Variants in KLF16 observed in about 807,000 individuals in gnomAD.
The protein encoded by KLF16 is Krueppel-like factor 16.
KLF16 carries 6 observed loss-of-function variants against 6.1 expected under a neutral mutation model. That is an observed-to-expected ratio of 0.98 (90% CI 0.54 to 1.93). The LOEUF (loss-of-function observed/expected upper bound fraction) is 1.93. Among genes scored for constraint, KLF16 ranks in the 30% most tolerant of loss-of-function variants. The probability of loss-of-function intolerance (pLI) is 0.01; values close to 1 mark genes in which losing one functional copy is unlikely to be tolerated. For synonymous variants in KLF16, 211 were observed against 176.5 expected (o/e 1.20, Z -1.55); for missense variants, 355 against 363.8 (o/e 0.98, Z 0.20).
Position 1,857,182 on chromosome 19 carries a change from G to A in KLF16, c.458-2422C>T, listed in dbSNP as rs1301496912. 2.0e-5 allele frequency among the ~76,000 whole-genome samples: 3 copies of A among 152,200 alleles called. No individual in the cohort carries two copies. The highest frequency in any genetic ancestry group is 2.9e-5 in the Non-Finnish European group (2 of 68,022). On this transcript the variant is annotated intron_variant, in intron 1 of 1. Coordinates refer to ENST00000250916, the MANE Select transcript of KLF16 (RefSeq NM_031918.4). The surrounding 1 kb of genome is among the most constrained non-coding windows in gnomAD (Gnocchi z 4.7). ...GCGCGCACATGCGCACGTGGGTGGC[G>A]GGGCAGGGGGTGCACGGGCTACCCA...
chr19:1,855,095 G>A (rs1479108543), intron 1 of KLF16, among the ~76,000 whole-genome samples: 2 of 152,144 alleles, frequency 1.3e-5, no homozygotes, highest in South Asian at 2.1e-4. Context: ...GGCCCCAGGC[G>A]GGACCCTGGC....
chr19:1,874,292 A>G, the KLF16 span, among the ~76,000 whole-genome samples: 4 of 152,222 alleles, frequency 2.6e-5, no homozygotes, highest in African/African-American at 9.6e-5. Flanking sequence ...CAGGAAGACA[A>G]TGGGGTTCTG....
the KLF16 span, among the ~76,000 whole-genome samples, chr19:1,871,101 G>A: frequency 6.6e-6 from 1 of 152,222 alleles, no homozygotes; most frequent in African/African-American, 2.4e-5. Context: ...TCAGCGGCGG[G>A]GTCACAGAGA....
Position 1,861,402 on chromosome 19 carries a change from C to G in KLF16, c.457+1639G>C, listed in dbSNP as rs952898110. 4 of 152,294 alleles carry G rather than the reference C, an allele frequency of 2.6e-5. 1 individual carries two copies. The highest frequency in any genetic ancestry group is 2.6e-4 in the Admixed American group (4 of 15,280). The allele number at this position is 152,294 out of a possible 1,614,324, so 9.4% of individuals were successfully genotyped here. ...CTTACCCCCAAAAAGCCAGGGCACTCCTGGACCCCTGCCCACCGCCCGGAG... is the reference window on the plus strand; with the variant it reads ...CTTACCCCCAAAAAGCCAGGGCACTGCTGGACCCCTGCCCACCGCCCGGAG... On this transcript the variant is annotated intron_variant, in intron 1 of 1. Transcript: ENST00000250916.
the KLF16 span, chr19:1,875,992 C>G: frequency 6.6e-6 from 1 of 152,412 alleles, no homozygotes; most frequent in African/African-American, 2.4e-5. Flanking sequence ...CCCGACCCCG[C>G]GGCGGCCCCC....
At chr19:1,860,325 G>C (rs967869128) in intron 1 of KLF16, 1 of 152,434 alleles carries the variant, frequency 6.6e-6, no homozygotes, top group African/African-American at 2.4e-5. Context: ...TAGGATAGGG[G>C]CTGTGGGCCA....
At chr19:1,863,787 C>T (rs1406524858), upstream of KLF16, among the ~76,000 whole-genome samples, 1 of 143,426 alleles carries the variant, frequency 7.0e-6, no homozygotes, top group Admixed American at 6.8e-5. Flanking sequence ...GAGCCGCGCG[C>T]GGCCGCCGGG....
the KLF16 span, among the ~76,000 whole-genome samples, chr19:1,869,930 CTTTTTT>C: frequency 3.6e-5 from 4 of 109,752 alleles, no homozygotes; most frequent in Admixed American, 2.0e-4. Context: ...AATACTTTTT[CTTTTTT>C]TTTTTTTTTT....
At position 1,855,192 on chromosome 19, in the gene KLF16, C is replaced by G. The variant is rs77702794; in HGVS notation, c.458-432G>C. ...CGGCCTTCAGGCTGTCCCTGCCCCC[C>G]ACCCAGGGGCATGCAGGGGCCTCCA... is the stretch of plus-strand genomic sequence containing the variant. On this transcript the variant is annotated intron_variant, in intron 1 of 1. Coordinates refer to ENST00000250916, the MANE Select transcript of KLF16 (RefSeq NM_031918.4). 3.6e-3 allele frequency among the ~76,000 whole-genome samples: 549 copies of G among 152,358 alleles called. 3 individuals carry two copies. Among genetic ancestry groups the G allele is most frequent in the African/African-American group, 0.013 (521 of 41,586 alleles).
intron 1 of KLF16, 148 bp from the exon 2 acceptor site, chr19:1,854,908 C>A: frequency 2.4e-6 from 2 of 829,110 alleles, no homozygotes; most frequent in South Asian, 1.6e-5. Flanking sequence ...CATGGAGAAG[C>A]ACAAAGAATA....
At chr19:1,868,016 C>T (rs1014962426), upstream of KLF16, among the ~76,000 whole-genome samples, 4 of 151,194 alleles carry the variant, frequency 2.6e-5, no homozygotes, top group African/African-American at 9.8e-5. Context: ...ACAGTCGGGT[C>T]TTTGCTTTGT....
chr19:1,864,753 T>TA (rs1232180402), upstream of KLF16, among the ~76,000 whole-genome samples: 1 of 152,060 alleles, frequency 6.6e-6, no homozygotes, highest in African/African-American at 2.4e-5. Flanking sequence ...GCCAACTTGT[T>TA]AAATATTAGG....
chr19:1,865,139 C>G (rs1364308350), upstream of KLF16, among the ~76,000 whole-genome samples: 1 of 152,244 alleles, frequency 6.6e-6, no homozygotes, highest in African/African-American at 2.4e-5. Context: ...AGTAAGCCCA[C>G]TCTACGTGGC....
chr19:1,867,641 G>A (rs993257062), upstream of KLF16, among the ~76,000 whole-genome samples: 8 of 152,296 alleles, frequency 5.3e-5, no homozygotes, highest in African/African-American at 1.9e-4. Context: ...CAAGGCAGAT[G>A]TATCACCTGA....
upstream of KLF16, among the ~76,000 whole-genome samples, chr19:1,866,612 C>CAA (rs148043121): frequency 1.5e-5 from 2 of 129,470 alleles, no homozygotes; most frequent in Non-Finnish European, 1.7e-5. Context: ...GAAACTGTCT[C>CAA]AAAAAAAAAA....
chr19:1,863,303 A>AGCG lies in KLF16; in HGVS notation c.192_194dup (p.Ala65dup), dbSNP rs966235834. On this transcript the variant is annotated inframe_insertion, in exon 1 of 2. Transcript: ENST00000250916. Reference sequence around the variant, plus strand: ...CGGCGGCGCCGGGGCCCGGGCCAGAAGCGGCGGGGGGCGGCGGGGGTGGCC... The same window carrying AGCG: ...CGGCGGCGCCGGGGCCCGGGCCAGAAGCGGCGGCGGGGGGCGGCGGGGGTGGCC... 2.6e-5 allele frequency: 25 copies of AGCG among 963,348 alleles called. No homozygotes were observed. The African/African-American group carries it at 4.6e-4, about 18-fold the overall frequency. The allele number at this position is 963,348 out of a possible 1,614,324, so 59.7% of individuals were successfully genotyped here.
At chr19:1,861,498 G>A (rs1039290703) in intron 1 of KLF16, 2 of 152,270 alleles carry the variant, frequency 1.3e-5, no homozygotes, top group African/African-American at 2.4e-5. Context: ...TCCCCGCGGA[G>A]ATACACGGAC....
chr19:1,862,773 G>A (rs2012094362), intron 1 of KLF16: 1 of 367,822 alleles, frequency 2.7e-6, no homozygotes, highest in Non-Finnish European at 4.8e-6. Context: ...CTGCCCAGGA[G>A]TCTCAATCCC....
At chr19:1,873,823 A>G in the KLF16 span, among the ~76,000 whole-genome samples, 5 of 152,242 alleles carry the variant, frequency 3.3e-5, no homozygotes, top group Admixed American at 6.5e-5. Context: ...TTGGCCTGAC[A>G]GCCTGGAGCC....
Sources: allele counts gnomAD v4.1 joint callset (sites outside exome capture counted in the v4.1 genomes callset), GRCh38; gene constraint gnomAD v4.1.1; non-coding constraint Gnocchi (gnomAD v3.1); transcripts MANE v1.5; gene names NCBI Gene and HGNC (gene_info 2026-07-23, HGNC 2026-07-21).